The following OSBPL11 variants were observed in gnomAD, a reference collection of about 807,000 sequenced individuals.
OSBPL11 encodes the protein oxysterol-binding protein-related protein 11.
A neutral mutation model predicts 84.4 loss-of-function variants in OSBPL11; 33 were observed. The ratio of observed to expected loss-of-function variants is 0.39; its 90% CI spans 0.30 to 0.52. The LOEUF (loss-of-function observed/expected upper bound fraction) is 0.52, where lower values mean the gene tolerates loss of function less well. OSBPL11 is among the 20% of genes least tolerant of loss of function. OSBPL11 has a pLI of 0.72. For missense variants in OSBPL11, 736 were observed against 901.1 expected, an observed-to-expected ratio of 0.82 and a Z score of 2.35; for synonymous variants, 276 against 310.2, an observed-to-expected ratio of 0.89 and a Z score of 1.16.
At chr3:125,552,979 A>ATGGTGCC in intron 8 of OSBPL11, among the ~76,000 whole-genome samples, 1 of 152,122 alleles carries the variant, frequency 6.6e-6, no homozygotes, top group Non-Finnish European at 1.5e-5. Context: ...TTAGCTGGGC[A>ATGGTGCC]TGGTGCCTTG....
intron 9 of OSBPL11, among the ~76,000 whole-genome samples, chr3:125,548,466 ATAG>A (rs1180520269): frequency 6.6e-6 from 1 of 152,154 alleles, no homozygotes; most frequent in African/African-American, 2.4e-5. Context: ...AGAAGAGATA[ATAG>A]TGGTGGTTTT....
chr3:125,591,759 C>T (rs1216620370), intron 1 of OSBPL11, among the ~76,000 whole-genome samples: 1 of 152,182 alleles, frequency 6.6e-6, no homozygotes, highest in Non-Finnish European at 1.5e-5. Context: ...CACTATCTCA[C>T]ACTGTATTTC....
intron 11 of OSBPL11, among the ~76,000 whole-genome samples, chr3:125,536,809 G>A (rs1056846162): frequency 2.6e-5 from 4 of 151,844 alleles, no homozygotes; most frequent in Non-Finnish European, 4.4e-5. Context: ...ATATTTCTTC[G>A]GTAGCCAGCA....
At chr3:125,573,208 TA>T (rs998113066) in intron 5 of OSBPL11, among the ~76,000 whole-genome samples, 18 of 147,830 alleles carry the variant, frequency 1.2e-4, no homozygotes, top group East Asian at 2.0e-4. Context: ...CAGTTCCTTT[TA>T]AAAAAAAAAG....
chr3:125,594,826 TC>T lies in OSBPL11; in HGVS notation c.-27del. 1 of 1,609,582 alleles carries T rather than the reference TC, an allele frequency of 6.2e-7. No individual in the cohort carries two copies. The highest frequency in any genetic ancestry group is 1.1e-5 in the South Asian group (1 of 90,792). On this transcript the variant is annotated 5_prime_UTR_variant, in exon 1 of 13. Transcript: ENST00000296220. ...CTTAACGCCAAAGTCCACTTGCCCT[TC>T]TTGAGCGGGAGAGAACAATTCTGTA...
intron 10 of OSBPL11, 99 bp from the exon 11 acceptor site, chr3:125,538,732 A>C: frequency 9.5e-7 from 1 of 1,049,946 alleles, no homozygotes; most frequent in Non-Finnish European, 1.4e-6. Flanking sequence ...ATCCTGTTGA[A>C]ATTAGTTATA....
Position 125,563,810 on chromosome 3 carries a change from G to A in OSBPL11, c.902C>T (p.Ser301Phe). 6.2e-7 allele frequency: 1 copy of A among 1,614,122 alleles called. No individual in the cohort carries two copies. The highest frequency in any genetic ancestry group is 8.5e-7 in the Non-Finnish European group (1 of 1,180,006). Residue 301 changes from serine to phenylalanine, a missense_variant, in exon 7 of 13, where the codon TCT (serine) becomes TTT (phenylalanine). By Grantham distance (155) the Ser-to-Phe change is radical. Coordinates refer to ENST00000296220, the MANE Select transcript of OSBPL11 (RefSeq NM_022776.5). ...TCCATTTTTATAGTGGTTTGATAAAGATATCTTTGGTTCTAACCACTCGAT... is the reference window on the plus strand; with the variant it reads ...TCCATTTTTATAGTGGTTTGATAAAAATATCTTTGGTTCTAACCACTCGAT... ...TTIEWLEPKI[S>F]LSNHYKNGAD...
chr3:125,570,330 C>CA (rs1251584217), intron 5 of OSBPL11, among the ~76,000 whole-genome samples: 38,003 of 119,060 alleles, frequency 0.32, 5,797 homozygotes, highest in African/African-American at 0.42. Context: ...CCATCTCTAG[C>CA]AAAAAAAAAA....
At chr3:125,572,810 T>A (rs1032365817) in intron 5 of OSBPL11, among the ~76,000 whole-genome samples, 1 of 145,484 alleles carries the variant, frequency 6.9e-6, no homozygotes, top group African/African-American at 2.5e-5. Flanking sequence ...TAATTATATA[T>A]ATATATATTT....
intron 8 of OSBPL11, among the ~76,000 whole-genome samples, chr3:125,555,459 A>G (rs890086909): frequency 2.0e-5 from 3 of 152,204 alleles, no homozygotes; most frequent in African/African-American, 7.2e-5. Context: ...ATAATTCAAG[A>G]AAATTTCAGA....
At chr3:125,557,045 C>T (rs1936000259) in intron 8 of OSBPL11, among the ~76,000 whole-genome samples, 1 of 152,044 alleles carries the variant, frequency 6.6e-6, no homozygotes, top group Non-Finnish European at 1.5e-5. Context: ...AAACAAAATT[C>T]CATATAAACT....
intron 5 of OSBPL11, among the ~76,000 whole-genome samples, chr3:125,570,455 T>C (rs892234630): frequency 6.6e-6 from 1 of 152,060 alleles, no homozygotes; most frequent in African/African-American, 2.4e-5. Context: ...AGTTCGAGGC[T>C]GCAGTGAGCT....
chr3:125,594,883 T>G lies in OSBPL11; in HGVS notation c.-83A>C. The G allele has an allele frequency of 6.9e-7, 1 of 1,454,242 alleles. No homozygotes were observed. 90.1% of individuals were successfully genotyped at this position (1,454,242 alleles called of 1,614,324 possible). A position where few individuals can be genotyped will look rare whatever the true frequency, so the allele number is the denominator to read the frequency against. On this transcript the variant is annotated 5_prime_UTR_variant, in exon 1 of 13. Coordinates refer to ENST00000296220, the MANE Select transcript of OSBPL11 (RefSeq NM_022776.5). ...GTAGGTGACTTTTTTTTTTTAAGAT[T>G]TGATCTGAATATGATACCGGTTGCT...
chr3:125,583,039 G>A, intron 1 of OSBPL11, 61 bp from the exon 2 acceptor site: 1 of 1,249,212 alleles, frequency 8.0e-7, no homozygotes, highest in Non-Finnish European at 1.1e-6. Flanking sequence ...GGAGGATAAT[G>A]GTACAATTTT....
In OSBPL11 at chr3:125,552,380, A is replaced by C. The variant is rs770111174; in HGVS notation, c.1455T>G (p.Ala485=). 6.2e-6 allele frequency: 10 copies of C among 1,614,130 alleles called. No homozygotes were observed. Among genetic ancestry groups the C allele is most frequent in the Non-Finnish European group, 8.5e-6 (10 of 1,180,018 alleles). The stretch of plus-strand genomic sequence containing the variant: ...GGGTCAAAGACTCCCCCGATAAAGG[A>C]GCATGATTTGTGACTCCCTGGGTGG... The part of the protein sequence containing the change: ...SSSTQGVTNH[A]PLSGESLTQV... The change falls in exon 9 of 13, where the codon GCT becomes GCG. Residue 485 remains alanine, a synonymous_variant. Coordinates refer to ENST00000296220, the MANE Select transcript of OSBPL11 (RefSeq NM_022776.5).
chr3:125,537,999 A>G (rs966016699), intron 11 of OSBPL11, among the ~76,000 whole-genome samples: 1 of 152,194 alleles, frequency 6.6e-6, no homozygotes, highest in African/African-American at 2.4e-5. Context: ...TTTAAAAACT[A>G]ATTTGTCTGA....
chr3:125,542,195 T>C (rs192692766), intron 10 of OSBPL11, among the ~76,000 whole-genome samples: 82 of 152,324 alleles, frequency 5.4e-4, no homozygotes, highest in Admixed American at 7.8e-4. Flanking sequence ...AAACAGAAGA[T>C]ACAAAGGCAG....
At chr3:125,583,061 CA>C (rs1427472660) in intron 1 of OSBPL11, 83 bp from the exon 2 acceptor site, 1 of 923,400 alleles carries the variant, frequency 1.1e-6, no homozygotes, top group African/African-American at 1.7e-5. Context: ...AAAATAGCTG[CA>C]GATACATATA....
intron 5 of OSBPL11, among the ~76,000 whole-genome samples, chr3:125,574,927 A>T (rs529223857): frequency 6.6e-6 from 1 of 152,344 alleles, no homozygotes; most frequent in African/African-American, 2.4e-5. Flanking sequence ...AAAATACAAA[A>T]AGTTCACCGA....
Sources: gnomAD v4.1 joint callset for allele counts (sites outside exome capture counted in the v4.1 genomes callset) on GRCh38, gnomAD v4.1.1 for gene constraint, MANE v1.5 for transcripts, NCBI Gene and HGNC (gene_info 2026-07-23, HGNC 2026-07-21) for gene names.